PRPF6: variants seen among roughly 807,000 people sequenced by gnomAD.
PRPF6 encodes the protein pre-mRNA processing factor 6.
A neutral mutation model predicts 118.3 loss-of-function variants in PRPF6; 42 were observed. The observed-to-expected ratio is 0.35, with a 90% confidence interval of 0.28 to 0.46. PRPF6 has a LOEUF of 0.46. Ranked by LOEUF, PRPF6 falls within the 20% of genes least tolerant of loss-of-function variation. The probability of loss-of-function intolerance (pLI) is 1.00; values close to 1 mark genes in which losing one functional copy is unlikely to be tolerated. For missense variants in PRPF6, 662 were observed against 1,255.7 expected (o/e 0.53, Z 7.15); for synonymous variants, 481 against 485.1 (o/e 0.99, Z 0.11).
chr20:64,017,060 A>AGAG (rs2059241660), intron 12 of PRPF6, among the ~76,000 whole-genome samples: 2 of 151,960 alleles, frequency 1.3e-5, no homozygotes, highest in East Asian at 3.9e-4. Flanking sequence ...CTCCTGCCTC[A>AGAG]GCCTCCCGAG....
intron 10 of PRPF6, 140 bp downstream of exon 10, chr20:64,010,458 AC>A: frequency 3.9e-6 from 3 of 761,802 alleles, no homozygotes; most frequent in Non-Finnish European, 6.8e-6. Flanking sequence ...GCCCTGTGGA[AC>A]CCCAGGATGC....
chr20:63,998,436 G>A (rs994472230), intron 6 of PRPF6, among the ~76,000 whole-genome samples: 4 of 151,980 alleles, frequency 2.6e-5, no homozygotes, highest in African/African-American at 4.8e-5. Context: ...TTGGGAGGCT[G>A]AGGCAGGAGG....
At chr20:63,989,978 C>A (rs1214209059) in intron 3 of PRPF6, among the ~76,000 whole-genome samples, 1 of 151,980 alleles carries the variant, frequency 6.6e-6, no homozygotes, top group Non-Finnish European at 1.5e-5. Flanking sequence ...CTCAGCCTCC[C>A]AAGTAGCCGG....
Position 63,995,499 on chromosome 20 carries a change from G to A in PRPF6, c.771+17G>A, listed in dbSNP as rs2059137383. On this transcript the variant is annotated intron_variant, in intron 6 of 20. Transcript: ENST00000266079. The stretch of plus-strand genomic sequence containing the variant: ...CTGAGCCAGGTGAGTTTGTCACACA[G>A]CATTTTCCTGTGGACAGGTTTAGAC... The A allele has an allele frequency of 1.1e-5, 17 of 1,613,796 alleles. No individual in the cohort carries two copies. Among genetic ancestry groups the A allele is most frequent in the Non-Finnish European group, 1.4e-5 (16 of 1,179,996 alleles).
chr20:64,027,184 C>G lies in PRPF6; in HGVS notation c.2205+26C>G, dbSNP rs762129596. The G allele has an allele frequency of 4.3e-6, 7 of 1,611,634 alleles. No homozygotes were observed. In the South Asian group the frequency reaches 7.7e-5, roughly 18 times the overall value. On this transcript the variant is annotated intron_variant, in intron 16 of 20. Coordinates refer to ENST00000266079, the MANE Select transcript of PRPF6 (RefSeq NM_012469.4). This position sits in a 1 kb window ranked among gnomAD's most constrained non-coding sequence, Gnocchi z 6.5. ...GTACGTCTCTGCCTGCACCCTGGGGCTGCAGCTGACCCGGCATTCACAAAA... is the reference window on the plus strand; with the variant it reads ...GTACGTCTCTGCCTGCACCCTGGGGGTGCAGCTGACCCGGCATTCACAAAA...
chr20:63,994,887 T>C, intron 4 of PRPF6, 29 bp from the exon 5 acceptor site: 1 of 1,613,948 alleles, frequency 6.2e-7, no homozygotes, highest in South Asian at 1.1e-5. Context: ...GTCAGAGAAT[T>C]AATGTTTTTG....
chr20:64,027,791 G>A lies in PRPF6; in HGVS notation c.2339+55G>A. On this transcript the variant is annotated intron_variant, in intron 17 of 20. Coordinates refer to ENST00000266079, the MANE Select transcript of PRPF6 (RefSeq NM_012469.4). The surrounding 1 kb of genome is among the most constrained non-coding windows in gnomAD (Gnocchi z 6.5). ...TGGGCACAGCTTCCCCATCAGGTGG[G>A]CCGCCGTCACCCAGCTGCTTGTGTG... The A allele has an allele frequency of 6.2e-7, 1 of 1,609,996 alleles. No homozygotes were observed. The highest frequency in any genetic ancestry group is 8.5e-7 in the Non-Finnish European group (1 of 1,178,164).
chr20:63,995,757 A>C (rs1190624138), intron 6 of PRPF6, among the ~76,000 whole-genome samples: 1 of 151,790 alleles, frequency 6.6e-6, no homozygotes, highest in Non-Finnish European at 1.5e-5. Flanking sequence ...CCTGGGTTCA[A>C]GTGATTCTCC....
Position 64,029,284 on chromosome 20 carries a change from T to C in PRPF6, c.2432-93T>C. 2.6e-6 allele frequency: 3 copies of C among 1,141,382 alleles called. No individual in the cohort carries two copies. The highest frequency in any genetic ancestry group is 4.0e-6 in the Non-Finnish European group (3 of 756,792). 70.7% of individuals were successfully genotyped at this position (1,141,382 alleles called of 1,614,324 possible). On this transcript the variant is annotated intron_variant, in intron 18 of 20. Transcript: ENST00000266079. This position sits in a 1 kb window ranked among gnomAD's most constrained non-coding sequence, Gnocchi z 4.8. Reference sequence around the variant, plus strand: ...TGTGTGGGAGGCCCCTGTCGTGGTCTGAGGACGTCCCGGGTTAGAATCTGT... The same window carrying C: ...TGTGTGGGAGGCCCCTGTCGTGGTCCGAGGACGTCCCGGGTTAGAATCTGT...
Position 64,029,126 on chromosome 20 carries a change from C to T in PRPF6, c.2432-251C>T, listed in dbSNP as rs980752077. 6.6e-6 allele frequency among the ~76,000 whole-genome samples: 1 copy of T among 152,164 alleles called. No homozygotes were observed. The highest frequency in any genetic ancestry group is 1.5e-5 in the Non-Finnish European group (1 of 68,032). ...AGGTTGCAGTGAGCTGAGATTGCGC[C>T]ATTGCACTCCACCCTGAATGACAGA... On this transcript the variant is annotated intron_variant, in intron 18 of 20. Coordinates refer to ENST00000266079, the MANE Select transcript of PRPF6 (RefSeq NM_012469.4). The surrounding 1 kb of genome is among the most constrained non-coding windows in gnomAD (Gnocchi z 4.8).
At chr20:64,012,955 C>G (rs2059221120) in intron 11 of PRPF6, among the ~76,000 whole-genome samples, 2 of 150,422 alleles carry the variant, frequency 1.3e-5, no homozygotes, top group African/African-American at 4.9e-5. Flanking sequence ...CTCCCCCACA[C>G]CCTTTTTTTT....
At chr20:63,987,136 C>G (rs895791106) in intron 3 of PRPF6, among the ~76,000 whole-genome samples, 3 of 129,350 alleles carry the variant, frequency 2.3e-5, no homozygotes, top group African/African-American at 8.8e-5. Context: ...TACCACCACA[C>G]TTCAGCCTGG....
At chr20:63,995,124 A>C (rs1213063647) in intron 5 of PRPF6, 32 bp downstream of exon 5, 2 of 1,613,552 alleles carry the variant, frequency 1.2e-6, no homozygotes, top group Admixed American at 1.7e-5. Flanking sequence ...CATGTGGCCC[A>C]TTTAGTCCTG....
At position 64,028,202 on chromosome 20, in the gene PRPF6, T is replaced by G. The variant is rs1350784728; in HGVS notation, c.2340-276T>G. Among the ~76,000 whole-genome samples, 1 of 152,204 alleles carries G rather than the reference T, an allele frequency of 6.6e-6. No homozygotes were observed. Among genetic ancestry groups the G allele is most frequent in the Non-Finnish European group, 1.5e-5 (1 of 68,036 alleles). On this transcript the variant is annotated intron_variant, in intron 17 of 20. Transcript: ENST00000266079. The surrounding 1 kb of genome is among the most constrained non-coding windows in gnomAD (Gnocchi z 6.5). The stretch of plus-strand genomic sequence containing the variant: ...TCTGGGTGCCTTGTGCGGCCCTGGC[T>G]CTCCCAGTCTGGTCTTGTTTGTTCT...
Position 64,022,849 on chromosome 20 carries a change from C to T in PRPF6, c.1740C>T (p.Ala580=), listed in dbSNP as rs748133786. Residue 580 remains alanine (A), a synonymous_variant, in exon 13 of 21, where the codon GCC becomes GCT. Coordinates refer to ENST00000266079, the MANE Select transcript of PRPF6 (RefSeq NM_012469.4). The stretch of plus-strand genomic sequence containing the variant: ...GCAAGAAGAGTGTGTGGCTGCGCGC[C>T]GCGTACTTCGAGAAGAACCATGGCA... ...FPSKKSVWLR[A]AYFEKNHGTR... is the part of the protein sequence containing the mutation. 1.1e-5 allele frequency: 18 copies of T among 1,614,042 alleles called. No individual in the cohort carries two copies. Among genetic ancestry groups the T allele is most frequent in the East Asian group, 4.5e-5 (2 of 44,882 alleles).
At chr20:64,017,225 G>C (rs1222481553) in intron 12 of PRPF6, among the ~76,000 whole-genome samples, 1 of 151,412 alleles carries the variant, frequency 6.6e-6, no homozygotes. Context: ...TCACAGGCGT[G>C]AGCCACCGCG....
chr20:64,001,836 G>GT (rs1412013783), intron 9 of PRPF6, among the ~76,000 whole-genome samples: 1 of 152,134 alleles, frequency 6.6e-6, no homozygotes. Flanking sequence ...TTTGTGGGTA[G>GT]TTTGTTTATT....
chr20:64,021,406 CTGTGTG>C (rs531169374), intron 12 of PRPF6, among the ~76,000 whole-genome samples: 1 of 143,398 alleles, frequency 7.0e-6, no homozygotes, highest in African/African-American at 2.6e-5. Flanking sequence ...AGCCCTGTGT[CTGTGTG>C]TGCGTGTGTG....
chr20:63,987,494 A>G (rs937501766), intron 3 of PRPF6, among the ~76,000 whole-genome samples: 1 of 152,068 alleles, frequency 6.6e-6, no homozygotes, highest in African/African-American at 2.4e-5. Flanking sequence ...AAAAAGCCAC[A>G]TATGGTAGGC....
Sources: gnomAD v4.1 joint callset for allele counts (sites outside exome capture counted in the v4.1 genomes callset) on GRCh38, gnomAD v4.1.1 for gene constraint, Gnocchi (gnomAD v3.1) non-coding constraint, MANE v1.5 for transcripts, NCBI Gene and HGNC (gene_info 2026-07-23, HGNC 2026-07-21) for gene names.